The following PCMTD1 variants were observed in gnomAD, a reference collection of about 807,000 sequenced individuals.
PCMTD1 encodes the protein protein-L-isoaspartate (D-aspartate) O-methyltransferase domain containing 1.
PCMTD1 carries 12 observed loss-of-function variants against 37.6 expected under a neutral mutation model. The observed-to-expected ratio is 0.32, with a 90% CI of 0.20 to 0.52. The LOEUF is 0.52. Ranked by LOEUF, PCMTD1 falls within the 20% of genes least tolerant of loss-of-function variation. The pLI is 0.97. For missense variants in PCMTD1, 235 were observed against 421.3 expected (o/e 0.56, Z 3.87); for synonymous variants, 117 against 135.8 (o/e 0.86, Z 0.96).
Position 51,898,934 on chromosome 8 carries a change from G to T in PCMTD1, c.-100C>A. 7.2e-7 allele frequency: 1 copy of T among 1,384,926 alleles called. No individual in the cohort carries two copies. The highest frequency in any genetic ancestry group is 1.6e-5 in the South Asian group (1 of 61,516). The allele number at this position is 1,384,926 out of a possible 1,614,324, so 85.8% of individuals were successfully genotyped here. A position where few individuals can be genotyped will look rare whatever the true frequency, so the allele number is the denominator to read the frequency against. On this transcript the variant is annotated 5_prime_UTR_variant, in exon 1 of 6. Coordinates refer to ENST00000522514, the MANE Select transcript of PCMTD1 (RefSeq NM_052937.4). ...CCCCACTGGCGGCGGCGTTACCTGT[G>T]GCGCGGGCAGCGGCGCGCAGGCCAG...
chr8:51,822,680 C>T (rs2037866119), intron 5 of PCMTD1, among the ~76,000 whole-genome samples: 1 of 152,130 alleles, frequency 6.6e-6, no homozygotes, highest in Non-Finnish European at 1.5e-5. Flanking sequence ...CCATAAGCCA[C>T]CATAAGATTA....
intron 1 of PCMTD1, among the ~76,000 whole-genome samples, chr8:51,871,273 G>A (rs570799790): frequency 6.6e-6 from 1 of 152,324 alleles, no homozygotes; most frequent in South Asian, 2.1e-4. Context: ...ACATACAGAA[G>A]TCTGTGGAAG....
intron 1 of PCMTD1, among the ~76,000 whole-genome samples, chr8:51,865,550 A>C (rs2038542279): frequency 6.6e-6 from 1 of 152,092 alleles, no homozygotes; most frequent in Non-Finnish European, 1.5e-5. Context: ...TGGATGTACC[A>C]TATTAACAGA....
chr8:51,836,084 A>G (rs1036688126), intron 3 of PCMTD1, among the ~76,000 whole-genome samples: 4 of 152,186 alleles, frequency 2.6e-5, no homozygotes, highest in Non-Finnish European at 5.9e-5. Context: ...GAACAATCCT[A>G]CTAATTGAAA....
intron 2 of PCMTD1, among the ~76,000 whole-genome samples, chr8:51,853,951 T>C (rs1489580242): frequency 6.6e-6 from 1 of 152,226 alleles, no homozygotes; most frequent in African/African-American, 2.4e-5. Context: ...AGTGTGAGTT[T>C]TGATTTGGGC....
intron 3 of PCMTD1, among the ~76,000 whole-genome samples, chr8:51,842,742 A>C (rs972434633): frequency 2.0e-5 from 3 of 152,170 alleles, no homozygotes; most frequent in South Asian, 2.1e-4. Context: ...ATATGTATAT[A>C]AGAAAACTTT....
intron 1 of PCMTD1, among the ~76,000 whole-genome samples, chr8:51,865,920 AGACCC>A (rs2038548558): frequency 6.6e-6 from 1 of 152,012 alleles, no homozygotes; most frequent in East Asian, 1.9e-4. Flanking sequence ...AAAATTGTAA[AGACCC>A]ACCAAAAAAC....
At chr8:51,827,026 C>A (rs955624481) in intron 5 of PCMTD1, 9 of 967,596 alleles carry the variant, frequency 9.3e-6, no homozygotes, top group Non-Finnish European at 1.1e-5. Context: ...TTTTTGGAGT[C>A]GCGTTCTTTC....
intron 1 of PCMTD1, among the ~76,000 whole-genome samples, chr8:51,891,387 C>CA (rs1303595259): frequency 2.0e-5 from 3 of 151,590 alleles, no homozygotes; most frequent in East Asian, 1.9e-4. Flanking sequence ...CCTATCTCTA[C>CA]AAAAAATGAA....
At position 51,858,703 on chromosome 8, in the gene PCMTD1, T is replaced by C. The variant is rs2038427547; in HGVS notation, c.307+2142A>G. 2.0e-5 allele frequency among the ~76,000 whole-genome samples: 3 copies of C among 152,196 alleles called. No homozygotes were observed. The South Asian group carries it at 6.2e-4, about 31-fold the overall frequency. ...CTTTATCTTTCTCACCAAAGGAATATTCCTAATCAAAACGAGAACAACTAT... is the reference window on the plus strand; with the variant it reads ...CTTTATCTTTCTCACCAAAGGAATACTCCTAATCAAAACGAGAACAACTAT... On this transcript the variant is annotated intron_variant, in intron 2 of 5. Coordinates refer to ENST00000522514, the MANE Select transcript of PCMTD1 (RefSeq NM_052937.4).
chr8:51,822,427 T>A (rs2037861830), intron 5 of PCMTD1, among the ~76,000 whole-genome samples: 1 of 152,164 alleles, frequency 6.6e-6, no homozygotes, highest in Non-Finnish European at 1.5e-5. Flanking sequence ...CAGATGCTGA[T>A]ATCAGTGACT....
At chr8:51,831,223 A>G (rs2037993254) in intron 5 of PCMTD1, among the ~76,000 whole-genome samples, 2 of 152,010 alleles carry the variant, frequency 1.3e-5, no homozygotes, top group South Asian at 2.1e-4. Flanking sequence ...GCTTGAACCC[A>G]GGAGGCAGAC....
intron 1 of PCMTD1, among the ~76,000 whole-genome samples, chr8:51,898,547 G>C (rs2039044314): frequency 1.3e-5 from 2 of 152,090 alleles, no homozygotes; most frequent in Non-Finnish European, 2.9e-5. Context: ...CGCCAGCCTC[G>C]GGACTCTGGT....
At chr8:51,857,003 C>T (rs567706917) in intron 2 of PCMTD1, among the ~76,000 whole-genome samples, 1 of 152,228 alleles carries the variant, frequency 6.6e-6, no homozygotes, top group South Asian at 2.1e-4. Context: ...GCAGAGCGAG[C>T]AAGAGAGAAC....
At chr8:51,852,512 A>G (rs1001245849) in intron 2 of PCMTD1, among the ~76,000 whole-genome samples, 1 of 152,228 alleles carries the variant, frequency 6.6e-6, no homozygotes, top group Non-Finnish European at 1.5e-5. Context: ...TCAAAATTCA[A>G]CAAACATTTT....
At chr8:51,836,051 A>T (rs1192761080) in intron 3 of PCMTD1, among the ~76,000 whole-genome samples, 2 of 152,222 alleles carry the variant, frequency 1.3e-5, no homozygotes, top group Non-Finnish European at 2.9e-5. Context: ...TCGTGTCTAT[A>T]TCTAATGGAA....
chr8:51,852,853 T>C (rs538716290), intron 2 of PCMTD1, among the ~76,000 whole-genome samples: 40 of 152,250 alleles, frequency 2.6e-4, no homozygotes, highest in Non-Finnish European at 3.2e-4. Flanking sequence ...AGAAGAGAAT[T>C]TGTTAAACTT....
chr8:51,887,249 G>A (rs1232809537), intron 1 of PCMTD1, among the ~76,000 whole-genome samples: 1 of 151,970 alleles, frequency 6.6e-6, no homozygotes, highest in Admixed American at 6.6e-5. Flanking sequence ...CTCTTTGGGG[G>A]GCTACTATTT....
At chr8:51,840,760 G>A (rs1367673978) in intron 3 of PCMTD1, among the ~76,000 whole-genome samples, 1 of 151,998 alleles carries the variant, frequency 6.6e-6, no homozygotes, top group African/African-American at 2.4e-5. Context: ...AAATACAAAA[G>A]TCTAACTCTA....
Sources: gnomAD v4.1 joint callset for allele counts (sites outside exome capture counted in the v4.1 genomes callset) on GRCh38, gnomAD v4.1.1 for gene constraint, MANE v1.5 for transcripts, NCBI Gene and HGNC (gene_info 2026-07-23, HGNC 2026-07-21) for gene names.